Variants in UXS1 observed in about 807,000 individuals in gnomAD.
UXS1 encodes the protein UDP-glucuronate decarboxylase 1.
Under a neutral mutation model 62.6 loss-of-function variants are expected in UXS1, and 33 were observed. The observed-to-expected ratio is 0.53, with a 90% confidence interval of 0.40 to 0.70. The LOEUF (loss-of-function observed/expected upper bound fraction) is 0.70. Among genes scored for constraint, UXS1 ranks in the 30% least tolerant of loss-of-function variants. UXS1 has a pLI of 0.00. For missense variants in UXS1, 434 were observed against 556.3 expected (o/e 0.78, Z 2.21); for synonymous variants, 213 against 206.8 (o/e 1.03, Z -0.26).
chr2:106,192,294 C>T (rs1211588323), intron 1 of UXS1, among the ~76,000 whole-genome samples: 1 of 152,234 alleles, frequency 6.6e-6, no homozygotes, highest in African/African-American at 2.4e-5. Context: ...GTGGCTTACG[C>T]CTGTAATCCC....
chr2:106,176,699 G>C (rs1683903174), intron 1 of UXS1, among the ~76,000 whole-genome samples: 1 of 152,222 alleles, frequency 6.6e-6, no homozygotes, highest in Admixed American at 6.5e-5. Flanking sequence ...ATTCTAAGCG[G>C]TTACACAGGA....
intron 1 of UXS1, among the ~76,000 whole-genome samples, chr2:106,177,095 A>G (rs1330444002): frequency 6.6e-6 from 1 of 152,216 alleles, no homozygotes; most frequent in African/African-American, 2.4e-5. Context: ...CTTTTTGCAC[A>G]TAAAATGCCA....
At chr2:106,156,662 C>T (rs568465530) in intron 5 of UXS1, among the ~76,000 whole-genome samples, 60 of 152,126 alleles carry the variant, frequency 3.9e-4, no homozygotes, top group Non-Finnish European at 7.9e-4. Flanking sequence ...CGCCTGTATA[C>T]TTTAAATCAT....
chr2:106,162,800 ATT>A (rs1206909770), intron 4 of UXS1, among the ~76,000 whole-genome samples: 1 of 152,186 alleles, frequency 6.6e-6, no homozygotes, highest in East Asian at 1.9e-4. Flanking sequence ...TGAATGACAC[ATT>A]TTGTTTAATG....
At chr2:106,148,021 T>G (rs1328298784) in intron 5 of UXS1, among the ~76,000 whole-genome samples, 2 of 152,192 alleles carry the variant, frequency 1.3e-5, no homozygotes, top group African/African-American at 4.8e-5. Context: ...CAGCACCATT[T>G]TCCAAATCCC....
intron 5 of UXS1, 45 bp from the exon 6 acceptor site, chr2:106,145,415 T>C (rs1573505005): frequency 6.4e-7 from 1 of 1,566,706 alleles, no homozygotes; most frequent in South Asian, 1.2e-5. Flanking sequence ...AAAAAGCACA[T>C]GAGAACACAG....
At chr2:106,126,351 AC>A (rs1037674831) in intron 7 of UXS1, among the ~76,000 whole-genome samples, 69 of 151,254 alleles carry the variant, frequency 4.6e-4, no homozygotes, top group African/African-American at 1.7e-3. Flanking sequence ...GGATCCAAGA[AC>A]CCCCCTGACC....
intron 9 of UXS1, among the ~76,000 whole-genome samples, chr2:106,118,889 T>C (rs546263239): frequency 6.6e-6 from 1 of 152,324 alleles, no homozygotes; most frequent in African/African-American, 2.4e-5. Context: ...AAAATCACAA[T>C]TTATACTTAA....
At chr2:106,147,905 A>G (rs928542034) in intron 5 of UXS1, among the ~76,000 whole-genome samples, 3 of 152,186 alleles carry the variant, frequency 2.0e-5, no homozygotes, top group Non-Finnish European at 4.4e-5. Flanking sequence ...CTTAACCACC[A>G]CATAGATATT....
intron 8 of UXS1, 137 bp downstream of exon 8, chr2:106,125,483 G>T: frequency 1.3e-6 from 1 of 758,192 alleles, no homozygotes. Flanking sequence ...CCGGGAGGCC[G>T]ACAGGTAGCC....
intron 1 of UXS1, among the ~76,000 whole-genome samples, chr2:106,182,910 A>G (rs1684334525): frequency 6.6e-6 from 1 of 152,212 alleles, no homozygotes; most frequent in Admixed American, 6.5e-5. Context: ...CATTGAATTA[A>G]GAACCTAGGA....
At chr2:106,171,251 T>C (rs1183241113) in intron 1 of UXS1, among the ~76,000 whole-genome samples, 1 of 151,944 alleles carries the variant, frequency 6.6e-6, no homozygotes, top group East Asian at 1.9e-4. Context: ...ATGATTAAAA[T>C]GAGTGTCCTT....
At chr2:106,173,735 G>A (rs1031351921) in intron 1 of UXS1, among the ~76,000 whole-genome samples, 3 of 152,344 alleles carry the variant, frequency 2.0e-5, no homozygotes, top group East Asian at 1.9e-4. Flanking sequence ...ACACAGAAAT[G>A]TGCATTTTAT....
At chr2:106,146,871 T>A (rs1304425970) in intron 5 of UXS1, among the ~76,000 whole-genome samples, 1 of 151,300 alleles carries the variant, frequency 6.6e-6, no homozygotes, top group African/African-American at 2.4e-5. Context: ...AAATGAAATT[T>A]GGGTTGGGTG....
At chr2:106,096,115 G>A (rs1387228470) in intron 14 of UXS1, among the ~76,000 whole-genome samples, 1 of 152,232 alleles carries the variant, frequency 6.6e-6, no homozygotes, top group Admixed American at 6.5e-5. Flanking sequence ...CAATAGGCAG[G>A]CAACTGGGGC....
At chr2:106,117,821 C>G (rs924365060) in intron 9 of UXS1, among the ~76,000 whole-genome samples, 1 of 152,250 alleles carries the variant, frequency 6.6e-6, no homozygotes, top group Non-Finnish European at 1.5e-5. Context: ...GGGTTCTGCT[C>G]CCTACCTGTG....
chr2:106,153,888 CA>C (rs745351036), intron 5 of UXS1, among the ~76,000 whole-genome samples: 3 of 152,092 alleles, frequency 2.0e-5, no homozygotes, highest in Non-Finnish European at 4.4e-5. Flanking sequence ...AGAGAGATTA[CA>C]AAATAGAAAC....
intron 1 of UXS1, among the ~76,000 whole-genome samples, chr2:106,193,717 A>G (rs944829264): frequency 4.6e-5 from 7 of 152,214 alleles, no homozygotes; most frequent in African/African-American, 1.7e-4. Context: ...CAATGGCCAC[A>G]GTATTTTTAT....
At chr2:106,165,696 C>T (rs563568404) in intron 2 of UXS1, among the ~76,000 whole-genome samples, 55 of 152,240 alleles carry the variant, frequency 3.6e-4, no homozygotes, top group South Asian at 6.2e-4. Flanking sequence ...CATGGCTTCC[C>T]GAAGACAGCT....
Sources: allele counts gnomAD v4.1 joint callset (sites outside exome capture counted in the v4.1 genomes callset), GRCh38; gene constraint gnomAD v4.1.1; transcripts MANE v1.5; gene names NCBI Gene and HGNC (gene_info 2026-07-23, HGNC 2026-07-21).